TET2: variants seen among roughly 807,000 people sequenced by gnomAD.
TET2 encodes tet methylcytosine dioxygenase 2.
TET2 carries 299 observed loss-of-function variants against 142.9 expected under a neutral mutation model. The ratio of observed to expected loss-of-function variants is 2.09; its 90% CI spans 1.90 to 2.30. The LOEUF (loss-of-function observed/expected upper bound fraction) is 2.30. TET2 is among the 30% of genes most tolerant of loss of function. The pLI is 0.00. For missense variants in TET2, 2,418 were observed against 2,378.0 expected, an observed-to-expected ratio of 1.02 and a Z score of -0.35; for synonymous variants, 819 against 849.0, an observed-to-expected ratio of 0.96 and a Z score of 0.61.
intron 1 of TET2, among the ~76,000 whole-genome samples, chr4:105,185,697 T>G (rs1439089054): frequency 6.6e-6 from 1 of 152,104 alleles, no homozygotes. Flanking sequence ...GAGAATGGCG[T>G]GAACCGGGGA....
At chr4:105,240,803 T>C in intron 3 of TET2, 3 of 1,079,482 alleles carry the variant, frequency 2.8e-6, no homozygotes, top group Non-Finnish European at 3.4e-6. Context: ...TACATACTAA[T>C]ATGGGTCTGG....
chr4:105,273,337 GAA>G (rs1219624767), intron 10 of TET2, among the ~76,000 whole-genome samples: 1 of 152,182 alleles, frequency 6.6e-6, no homozygotes, highest in Non-Finnish European at 1.5e-5. Flanking sequence ...GGAAAACATG[GAA>G]AAGTCTGGAT....
At chr4:105,163,802 G>A (rs959290084) in intron 1 of TET2, among the ~76,000 whole-genome samples, 7 of 133,358 alleles carry the variant, frequency 5.2e-5, no homozygotes, top group Non-Finnish European at 8.2e-5. Flanking sequence ...GAGCTCGAAA[G>A]TTTCGAGAGA....
intron 9 of TET2, among the ~76,000 whole-genome samples, chr4:105,270,144 T>C (rs951477441): frequency 1.3e-5 from 2 of 152,118 alleles, no homozygotes; most frequent in African/African-American, 4.8e-5. Flanking sequence ...CAGCAGCATC[T>C]CATGTTGAGG....
In TET2 at chr4:105,275,547, C is replaced by T; in HGVS notation, c.5037C>T (p.Tyr1679=). The T allele has an allele frequency of 6.4e-7, 1 of 1,551,696 alleles. No individual in the cohort carries two copies. Among genetic ancestry groups the T allele is most frequent in the East Asian group, 2.4e-5 (1 of 40,914 alleles). Reference sequence around the variant, plus strand: ...GTCTACCACCCATCCATACACTTTACCAGCCAAGGTTTGGAAATAGCCAGA... The same window carrying T: ...GTCTACCACCCATCCATACACTTTATCAGCCAAGGTTTGGAAATAGCCAGA... ...KLSLPPIHTL[Y]QPRFGNSQSF... is the part of the protein sequence containing the mutation. Residue 1679 remains tyrosine, a synonymous_variant, in exon 11 of 11, where the codon TAC becomes TAT. Transcript: ENST00000380013.
intron 2 of TET2, among the ~76,000 whole-genome samples, chr4:105,204,346 A>G (rs1017422519): frequency 1.3e-5 from 2 of 152,004 alleles, no homozygotes; most frequent in Non-Finnish European, 2.9e-5. Context: ...AAGGACAAGA[A>G]TCTTGAATCC....
intron 2 of TET2, among the ~76,000 whole-genome samples, chr4:105,210,582 C>T (rs1291813379): frequency 1.3e-5 from 2 of 152,128 alleles, no homozygotes; most frequent in Non-Finnish European, 2.9e-5. Context: ...TGAGCTTATT[C>T]GAAATAGAAG....
chr4:105,176,894 T>C (rs1396377006), intron 1 of TET2, among the ~76,000 whole-genome samples: 1 of 152,130 alleles, frequency 6.6e-6, no homozygotes, highest in Non-Finnish European at 1.5e-5. Context: ...ATCAATGTAG[T>C]GGGTACTGGT....
intron 6 of TET2, among the ~76,000 whole-genome samples, chr4:105,255,498 T>A (rs1389561144): frequency 6.6e-6 from 1 of 152,216 alleles, no homozygotes; most frequent in Non-Finnish European, 1.5e-5. Flanking sequence ...CTGTTAGACC[T>A]AGTTGGTTTA....
intron 6 of TET2, among the ~76,000 whole-genome samples, chr4:105,257,526 T>C (rs1199407755): frequency 6.6e-6 from 1 of 152,132 alleles, no homozygotes; most frequent in African/African-American, 2.4e-5. Context: ...TCTGTATGTG[T>C]GTTGGGGCAT....
chr4:105,241,885 G>A, intron 4 of TET2: 1 of 1,244,912 alleles, frequency 8.0e-7, no homozygotes. Context: ...ACCATAAAAA[G>A]AGAGCAAGTG....
chr4:105,235,922 G>A lies in TET2; in HGVS notation c.1980G>A (p.Val660=), dbSNP rs1166590266. 2 of 1,614,098 alleles carry A rather than the reference G, an allele frequency of 1.2e-6. No homozygotes were observed. Among genetic ancestry groups the A allele is most frequent in the African/African-American group, 1.3e-5 (1 of 75,048 alleles). Residue 660 remains valine (V), a synonymous_variant, in exon 3 of 11, where the codon GTG becomes GTA. Transcript: ENST00000380013. The stretch of plus-strand genomic sequence containing the variant: ...AGTTCCAAAAACCCTCACACCAGGT[G>A]CACTTCTCCAAAACAGACCATTTAC... ...HLQFQKPSHQ[V]HFSKTDHLPK... is the part of the protein sequence containing the mutation.
chr4:105,276,400 T>C lies in TET2; in HGVS notation c.5890T>C (p.Tyr1964His), dbSNP rs370470545. The C allele has an allele frequency of 1.5e-4, 240 of 1,551,844 alleles. 1 individual carries two copies. Among genetic ancestry groups the C allele is most frequent in the Non-Finnish European group, 2.0e-4 (225 of 1,147,052 alleles). ...AEPHETSEPT[Y>H]LRFIKSLAER... ...GCCACATGAAACTTCAGAGCCCACT[T>C]ACCTGCGTTTCATCAAGTCTCTTGC... The change falls in exon 11 of 11, where the codon TAC (tyrosine) becomes CAC (histidine). Residue 1964 changes from tyrosine to histidine, a missense_variant. Tyr to His is a moderately conservative substitution (Grantham distance 83). Coordinates refer to ENST00000380013, the MANE Select transcript of TET2 (RefSeq NM_001127208.3).
rs1728947532 is a variant in TET2 at position 105,236,721 on chromosome 4, G to GT, written c.2784dup (p.Pro929SerfsTer4). The GT allele has an allele frequency of 6.2e-7, 1 of 1,614,060 alleles. No individual in the cohort carries two copies. The highest frequency in any genetic ancestry group is 8.5e-7 in the Non-Finnish European group (1 of 1,180,004). On this transcript the variant is annotated frameshift_variant, in exon 3 of 11. Transcript: ENST00000380013. LOFTEE classifies it high-confidence loss of function. The stretch of plus-strand genomic sequence containing the variant: ...GTACTTGATACATAACCATGCAAAT[G>GT]TTTTTCCTGTGCCTGACCAGGGAGG...
intron 6 of TET2, among the ~76,000 whole-genome samples, chr4:105,257,189 G>A (rs554046916): frequency 5.9e-5 from 9 of 152,162 alleles, no homozygotes; most frequent in African/African-American, 1.2e-4. Context: ...ATCCCAGCAC[G>A]TTGAGAGGCC....
At position 105,240,460 on chromosome 4, in the gene TET2, T is replaced by C. The variant is rs1054014921; in HGVS notation, c.3410-879T>C. The stretch of plus-strand genomic sequence containing the variant: ...TAATTATAGCTATGCAGCATAGATT[T>C]AGTCAAAGACATTTGAAAAGACAAA... On this transcript the variant is annotated intron_variant, in intron 3 of 10. Transcript: ENST00000380013. 3 of 1,076,274 alleles carry C rather than the reference T, an allele frequency of 2.8e-6. No homozygotes were observed. The African/African-American group carries it at 4.9e-5, about 18-fold the overall frequency. The allele number at this position is 1,076,274 out of a possible 1,614,324, so 66.7% of individuals were successfully genotyped here.
rs539998838 is a variant in TET2 at position 105,279,543 on chromosome 4, A to T, written c.*3024A>T. ...TGATGTACAGTTCACTTCTGAAGCT[A>T]GTGGTTAACTTGTGTAGGAAACTTT... is the stretch of plus-strand genomic sequence containing the variant. On this transcript the variant is annotated 3_prime_UTR_variant, in exon 11 of 11. Coordinates refer to ENST00000380013, the MANE Select transcript of TET2 (RefSeq NM_001127208.3). The T allele has an allele frequency of 4.3e-6, 1 of 232,654 alleles. No homozygotes were observed. 14.4% of individuals were successfully genotyped at this position (232,654 alleles called of 1,614,324 possible).
Position 105,234,941 on chromosome 4 carries a change from A to G in TET2, c.999A>G (p.Pro333=). 1 of 1,614,094 alleles carries G rather than the reference A, an allele frequency of 6.2e-7. No individual in the cohort carries two copies. Among genetic ancestry groups the G allele is most frequent in the Non-Finnish European group, 8.5e-7 (1 of 1,180,002 alleles). Residue 333 remains proline, a synonymous_variant, in exon 3 of 11, where the codon CCA becomes CCG. Coordinates refer to ENST00000380013, the MANE Select transcript of TET2 (RefSeq NM_001127208.3). ...AAAAATCAGTTTTTGAGATATGCCC[A>G]TCTCCTGCAGAAAATAACATCCAGG... ...QQQKSVFEIC[P]SPAENNIQGT...
chr4:105,196,351 T>G (rs1006891542), intron 2 of TET2, among the ~76,000 whole-genome samples: 3 of 152,060 alleles, frequency 2.0e-5, no homozygotes, highest in Non-Finnish European at 4.4e-5. Context: ...TAGAATGGAG[T>G]TTATTTGGTT....
Sources: allele counts gnomAD v4.1 joint callset (sites outside exome capture counted in the v4.1 genomes callset), GRCh38; gene constraint gnomAD v4.1.1; transcripts MANE v1.5; gene names NCBI Gene and HGNC (gene_info 2026-07-23, HGNC 2026-07-21).